The following PCSK5 variants were observed in gnomAD, a reference collection of about 807,000 sequenced individuals.
The protein encoded by PCSK5 is proprotein convertase subtilisin/kexin type 5, also known as prohormone convertase 5.
Under a neutral mutation model 233.2 loss-of-function variants are expected in PCSK5, and 129 were observed. The observed-to-expected ratio is 0.55, with a 90% CI of 0.48 to 0.64. The LOEUF is 0.64. PCSK5 is among the 30% of genes least tolerant of loss of function. The pLI is 0.00. For missense variants in PCSK5, 2,076 were observed against 2,430.1 expected (o/e 0.85, Z 3.06); for synonymous variants, 825 against 879.2 (o/e 0.94, Z 1.09).
intron 3 of PCSK5, among the ~76,000 whole-genome samples, chr9:75,988,215 A>G (rs1296584448): frequency 2.0e-5 from 3 of 152,210 alleles, no homozygotes; most frequent in Admixed American, 6.5e-5. Context: ...TTACAAATAC[A>G]TAACATTTAT....
intron 1 of PCSK5, among the ~76,000 whole-genome samples, chr9:75,912,504 G>A (rs1166544745): frequency 6.6e-6 from 1 of 152,106 alleles, no homozygotes; most frequent in Non-Finnish European, 1.5e-5. Flanking sequence ...ATCTGAGATG[G>A]GGCTGGAGAT....
At chr9:76,175,536 C>T (rs73458370) in intron 14 of PCSK5, 19 of 284,184 alleles carry the variant, frequency 6.7e-5, no homozygotes, top group Non-Finnish European at 9.1e-5. Flanking sequence ...ATTTTAAACA[C>T]GGTTTGGATA....
In PCSK5 at chr9:76,179,648, C is replaced by T. The variant is rs764472637; in HGVS notation, c.1953C>T (p.Asp651=). The stretch of plus-strand genomic sequence containing the variant: ...TTGGCTGTGACGGGCCAGGACCAGA[C>T]CACTGCAATGACTGTTTGCACTACT... The part of the protein sequence containing the change: ...SEVGCDGPGP[D]HCNDCLHYYY... Residue 651 remains aspartate (D), a synonymous_variant, in exon 15 of 38, where the codon GAC becomes GAT. Coordinates refer to ENST00000674117, the MANE Select transcript of PCSK5 (RefSeq NM_001372043.1). The T allele has an allele frequency of 2.2e-5, 36 of 1,613,732 alleles. No homozygotes were observed. Among genetic ancestry groups the T allele is most frequent in the Middle Eastern group, 3.3e-4 (2 of 6,080 alleles).
At chr9:76,177,409 A>C (rs1277838042) in intron 14 of PCSK5, among the ~76,000 whole-genome samples, 1 of 152,206 alleles carries the variant, frequency 6.6e-6, no homozygotes, top group Non-Finnish European at 1.5e-5. Context: ...TAAAAATAAA[A>C]GTACTTCATT....
intron 20 of PCSK5, chr9:76,195,287 A>G (rs11793906): frequency 0.14 from 21,658 of 152,148 alleles, 1,816 homozygotes; most frequent in Non-Finnish European, 0.19. Context: ...AGATGGCAAA[A>G]CCGAATTTGC....
chr9:76,312,139 C>T (rs892605339), intron 30 of PCSK5, among the ~76,000 whole-genome samples: 1 of 152,120 alleles, frequency 6.6e-6, no homozygotes, highest in Non-Finnish European at 1.5e-5. Context: ...AATAAATGTG[C>T]GGAAGTAACT....
rs184970545 is a variant in PCSK5 at position 75,937,951 on chromosome 9, G to A, written c.297+5468G>A. Among the ~76,000 whole-genome samples the A allele has an allele frequency of 7.9e-5, 12 of 152,332 alleles. No homozygotes were observed. In the East Asian group the frequency reaches 2.3e-3, roughly 29 times the overall value. On this transcript the variant is annotated intron_variant, in intron 2 of 37. Transcript: ENST00000674117. ...TTAGGCTTTGGCTGAAGGAAATGTT[G>A]TGGCTTGTTTGGTCTTCTATCCAGA...
chr9:76,230,462 G>C (rs1037513559), intron 21 of PCSK5, among the ~76,000 whole-genome samples: 11 of 152,134 alleles, frequency 7.2e-5, no homozygotes, highest in Non-Finnish European at 1.5e-4. Flanking sequence ...CCCATTAATG[G>C]GAGATTACTT....
At chr9:75,945,949 T>A (rs1283682560) in intron 2 of PCSK5, among the ~76,000 whole-genome samples, 1 of 152,208 alleles carries the variant, frequency 6.6e-6, no homozygotes, top group Non-Finnish European at 1.5e-5. Flanking sequence ...AATTTCCTCT[T>A]TGATATCTAT....
chr9:75,921,765 G>C (rs182441480), intron 1 of PCSK5, among the ~76,000 whole-genome samples: 4 of 152,024 alleles, frequency 2.6e-5, no homozygotes, highest in Non-Finnish European at 1.5e-5. Context: ...AGAGTACATG[G>C]GTTATTTTAT....
chr9:76,210,571 A>C (rs1274545561), intron 20 of PCSK5, among the ~76,000 whole-genome samples: 1 of 152,154 alleles, frequency 6.6e-6, no homozygotes, highest in Non-Finnish European at 1.5e-5. Context: ...ATGAGGGTAA[A>C]ATTGAAGCAA....
intron 9 of PCSK5, among the ~76,000 whole-genome samples, chr9:76,127,782 A>G (rs990749896): frequency 1.3e-5 from 2 of 152,162 alleles, no homozygotes; most frequent in Non-Finnish European, 2.9e-5. Flanking sequence ...GTAGCCTATG[A>G]TATGCCAAGC....
At chr9:76,193,790 A>C (rs1026152883) in intron 20 of PCSK5, 1 of 155,272 alleles carries the variant, frequency 6.4e-6, no homozygotes, top group African/African-American at 2.4e-5. Context: ...TACATAGACA[A>C]AAATGAAATA....
Position 76,189,998 on chromosome 9 carries a change from T to G in PCSK5, c.2626+252T>G, listed in dbSNP as rs1020223636. 2.6e-5 allele frequency among the ~76,000 whole-genome samples: 4 copies of G among 152,216 alleles called. No individual in the cohort carries two copies. In the East Asian group the frequency reaches 7.7e-4, roughly 29 times the overall value. On this transcript the variant is annotated intron_variant, in intron 20 of 37. Coordinates refer to ENST00000674117, the MANE Select transcript of PCSK5 (RefSeq NM_001372043.1). ...TAATTTTTTTAATTAATAAACTTTA[T>G]TTTTTGAGAGCAGTTTTAGATTCAT...
chr9:75,924,206 C>G (rs938923897), intron 1 of PCSK5, among the ~76,000 whole-genome samples: 2 of 151,970 alleles, frequency 1.3e-5, no homozygotes, highest in South Asian at 2.1e-4. Flanking sequence ...CCTTGAGCAC[C>G]CTGATTTAAA....
At chr9:76,291,718 A>T (rs1828282904) in intron 24 of PCSK5, among the ~76,000 whole-genome samples, 1 of 152,224 alleles carries the variant, frequency 6.6e-6, no homozygotes, top group African/African-American at 2.4e-5. Context: ...CAGTTTTTTT[A>T]AGAAAGTTGC....
intron 5 of PCSK5, among the ~76,000 whole-genome samples, chr9:76,046,615 C>T (rs1391126705): frequency 7.8e-6 from 1 of 128,010 alleles, no homozygotes; most frequent in African/African-American, 3.0e-5. Context: ...GGCTGGAGTG[C>T]AGTGGCATGA....
intron 35 of PCSK5, among the ~76,000 whole-genome samples, chr9:76,345,494 C>T (rs1416161663): frequency 6.6e-6 from 1 of 152,272 alleles, no homozygotes; most frequent in Non-Finnish European, 1.5e-5. Flanking sequence ...TCTTGGTTTA[C>T]GGCAAGCTCT....
Position 75,950,200 on chromosome 9 carries a change from G to C in PCSK5, c.297+17717G>C, listed in dbSNP as rs1719885292. Among the ~76,000 whole-genome samples the C allele has an allele frequency of 3.3e-5, 5 of 151,262 alleles. No individual in the cohort carries two copies. In the South Asian group the frequency reaches 1.0e-3, roughly 32 times the overall value. ...GCTAACCTCAGAGCTGCCACAACAA[G>C]GGCCTTTTATTTATTTGTTTTTTTT... On this transcript the variant is annotated intron_variant, in intron 2 of 37. Transcript: ENST00000674117.
Sources: allele counts gnomAD v4.1 joint callset (sites outside exome capture counted in the v4.1 genomes callset), GRCh38; gene constraint gnomAD v4.1.1; transcripts MANE v1.5; gene names NCBI Gene and HGNC (gene_info 2026-07-23, HGNC 2026-07-21).